BCAR3: variants seen among roughly 807,000 people sequenced by gnomAD.
BCAR3 encodes the protein breast cancer anti-estrogen resistance protein 3.
A neutral mutation model predicts 80.1 loss-of-function variants in BCAR3; 37 were observed. That is an observed-to-expected ratio of 0.46 (90% CI 0.36 to 0.61). The LOEUF is 0.61. Among genes scored for constraint, BCAR3 ranks in the 20% least tolerant of loss-of-function variants. The pLI, the probability that BCAR3 is intolerant of heterozygous loss-of-function variation, is 0.00. For missense variants in BCAR3, 978 were observed against 1,068.2 expected (o/e 0.92, Z 1.18); for synonymous variants, 389 against 418.9 (o/e 0.93, Z 0.87).
chr1:93,561,936 A>G lies in BCAR3; in HGVS notation c.*305T>C, dbSNP rs1289779966. On this transcript the variant is annotated 3_prime_UTR_variant, in exon 12 of 12. Transcript: ENST00000260502. Reference sequence around the variant, plus strand: ...TATCTGACATGGAATTAAAACTAAAATGGTCAAATACCATGATAATAGAAA... The same window carrying G: ...TATCTGACATGGAATTAAAACTAAAGTGGTCAAATACCATGATAATAGAAA... The G allele has an allele frequency of 1.3e-5, 3 of 222,408 alleles. No individual in the cohort carries two copies. The highest frequency in any genetic ancestry group is 1.7e-5 in the Non-Finnish European group (2 of 114,732). The allele number at this position is 222,408 out of a possible 1,614,324, so 13.8% of individuals were successfully genotyped here. A position where few individuals can be genotyped will look rare whatever the true frequency, so the allele number is the denominator to read the frequency against.
chr1:93,696,729 T>G (rs916807555), intron 3 of BCAR3, among the ~76,000 whole-genome samples: 1 of 152,218 alleles, frequency 6.6e-6, no homozygotes, highest in Non-Finnish European at 1.5e-5. Context: ...GAACTCACCC[T>G]TTATTTGGTG....
intron 2 of BCAR3, among the ~76,000 whole-genome samples, chr1:93,671,660 CTG>C: frequency 6.6e-6 from 1 of 152,334 alleles, no homozygotes; most frequent in South Asian, 2.1e-4. Context: ...ATTTCTCTCA[CTG>C]TATTTTTGCT....
intron 2 of BCAR3, among the ~76,000 whole-genome samples, chr1:93,780,204 C>T (rs186432503): frequency 2.6e-5 from 4 of 152,330 alleles, no homozygotes; most frequent in East Asian, 1.9e-4. Flanking sequence ...GACTCAGAAG[C>T]GATCAGCATT....
chr1:93,611,579 C>A (rs1024161291), intron 3 of BCAR3, among the ~76,000 whole-genome samples: 3 of 152,156 alleles, frequency 2.0e-5, no homozygotes, highest in African/African-American at 7.2e-5. Flanking sequence ...GTATTTGGCC[C>A]CAACTCTATG....
intron 3 of BCAR3, among the ~76,000 whole-genome samples, chr1:93,601,664 T>C (rs527592043): frequency 1.3e-5 from 2 of 152,330 alleles, no homozygotes; most frequent in African/African-American, 4.8e-5. Context: ...TGTTGAGAAA[T>C]TTTTTGTTGA....
At chr1:93,671,611 G>A (rs930236332) in intron 2 of BCAR3, among the ~76,000 whole-genome samples, 5 of 152,156 alleles carry the variant, frequency 3.3e-5, no homozygotes, top group African/African-American at 7.2e-5. Flanking sequence ...TTGGTGTTTC[G>A]CAGCTCCTTT....
intron 2 of BCAR3, among the ~76,000 whole-genome samples, chr1:93,643,743 T>C: frequency 6.6e-6 from 1 of 152,004 alleles, no homozygotes; most frequent in Non-Finnish European, 1.5e-5. Context: ...GTAATACAAT[T>C]GTACTGTATA....
chr1:93,669,637 A>G (rs1202819288), intron 2 of BCAR3, among the ~76,000 whole-genome samples: 5 of 152,222 alleles, frequency 3.3e-5, no homozygotes, highest in Non-Finnish European at 7.3e-5. Context: ...ACAGGCAGGA[A>G]AAAGACCTGA....
In BCAR3 at chr1:93,650,978, T is replaced by C. The variant is rs113428652; in HGVS notation, c.318-8635A>G. ...AATGAAAGGAGGTAGGAGCCATTTG[T>C]CAGAGCACATCTGGAATATTCACTT... On this transcript the variant is annotated intron_variant, in intron 2 of 11. Coordinates refer to ENST00000260502, the MANE Select transcript of BCAR3 (RefSeq NM_003567.4). Among the ~76,000 whole-genome samples the C allele has an allele frequency of 1.3e-3, 203 of 152,320 alleles. 1 individual carries two copies. Among genetic ancestry groups the C allele is most frequent in the African/African-American group, 4.8e-3 (198 of 41,560 alleles).
chr1:93,846,207 T>G (rs565925516), intron 1 of BCAR3, among the ~76,000 whole-genome samples: 13 of 152,302 alleles, frequency 8.5e-5, no homozygotes, highest in Non-Finnish European at 1.5e-4. Flanking sequence ...CTTTCCCTCT[T>G]TGAACTCTGC....
chr1:93,636,545 C>T (rs1675786788), intron 3 of BCAR3, among the ~76,000 whole-genome samples: 1 of 149,510 alleles, frequency 6.7e-6, no homozygotes, highest in South Asian at 2.1e-4. Context: ...CTATTCATGG[C>T]TAATTTGAAA....
chr1:93,664,478 T>A (rs1323191766), intron 2 of BCAR3, among the ~76,000 whole-genome samples: 5 of 152,218 alleles, frequency 3.3e-5, no homozygotes, highest in Non-Finnish European at 7.3e-5. Flanking sequence ...CAATGCCTGA[T>A]GACTGTGTTC....
rs1344636465 is a variant in BCAR3, at chr1:93,823,987, C to T, written c.-63+21580G>A. Among the ~76,000 whole-genome samples, 5 of 134,012 alleles carry T rather than the reference C, an allele frequency of 3.7e-5. 2 individuals carry two copies. The highest frequency in any genetic ancestry group is 1.3e-4 in the African/African-American group (5 of 39,850). The allele number at this position is 134,012 out of a possible 152,430, so 87.9% of individuals were successfully genotyped here. A position where few individuals can be genotyped will look rare whatever the true frequency, so the allele number is the denominator to read the frequency against. On this transcript the variant is annotated intron_variant, in intron 2 of 13. Coordinates refer to the BCAR3 transcript ENST00000370244. ...TGCTAGGATTACAGGCATGAGCCAC[C>T]GCGCCTGGCCGAAAAGTATCTCATT...
upstream of BCAR3, chr1:93,848,067 C>T: frequency 6.4e-6 from 1 of 155,816 alleles, no homozygotes; most frequent in Non-Finnish European, 1.4e-5. Flanking sequence ...CTACGCCCTG[C>T]GTGCGCTGTG....
At chr1:93,744,711 G>C (rs1470500239) in intron 2 of BCAR3, among the ~76,000 whole-genome samples, 4 of 152,136 alleles carry the variant, frequency 2.6e-5, no homozygotes, top group African/African-American at 9.7e-5. Flanking sequence ...CCCCTGTCCC[G>C]CCTTCCTTGG....
At chr1:93,614,813 C>A (rs549154998) in intron 3 of BCAR3, among the ~76,000 whole-genome samples, 1 of 152,050 alleles carries the variant, frequency 6.6e-6, no homozygotes, top group African/African-American at 2.4e-5. Context: ...AATTACTCAT[C>A]GCCACTCTGA....
intron 9 of BCAR3, among the ~76,000 whole-genome samples, chr1:93,571,077 G>A (rs773165426): frequency 1.1e-4 from 16 of 152,016 alleles, no homozygotes; most frequent in African/African-American, 3.6e-4. Context: ...GGTGGCCCAC[G>A]CCTGTTATCC....
intron 2 of BCAR3, among the ~76,000 whole-genome samples, chr1:93,659,058 T>C (rs1043884402): frequency 1.3e-5 from 2 of 152,212 alleles, no homozygotes; most frequent in Non-Finnish European, 1.5e-5. Context: ...CATTTGCATG[T>C]GTATATGGCC....
chr1:93,786,054 G>A (rs527598265), intron 2 of BCAR3, among the ~76,000 whole-genome samples: 5 of 141,330 alleles, frequency 3.5e-5, no homozygotes, highest in African/African-American at 5.8e-5. Flanking sequence ...TTAGCCGGGC[G>A]TGGTGGCGGG....
Sources: gnomAD v4.1 joint callset for allele counts (sites outside exome capture counted in the v4.1 genomes callset) on GRCh38, gnomAD v4.1.1 for gene constraint, MANE v1.5 for transcripts, NCBI Gene and HGNC (gene_info 2026-07-23, HGNC 2026-07-21) for gene names.